The following MACROD2 variants were observed in gnomAD, a reference collection of about 807,000 sequenced individuals.
MACROD2 encodes ADP-ribose glycohydrolase MACROD2.
Under a neutral mutation model 70.4 loss-of-function variants are expected in MACROD2, and 36 were observed. The ratio of observed to expected loss-of-function variants is 0.51; its 90% CI spans 0.39 to 0.68. MACROD2 has a LOEUF of 0.68. Among genes scored for constraint, MACROD2 ranks in the 30% least tolerant of loss-of-function variants. The pLI, the probability that MACROD2 is intolerant of heterozygous loss-of-function variation, is 0.00. For missense variants in MACROD2, 496 were observed against 538.4 expected (o/e 0.92, Z 0.78); for synonymous variants, 172 against 178.8 (o/e 0.96, Z 0.30).
At chr20:16,023,812 G>A (rs35636462) in intron 15 of MACROD2, among the ~76,000 whole-genome samples, 11,381 of 152,180 alleles carry the variant, frequency 0.075, 447 homozygotes, top group East Asian at 0.14. Flanking sequence ...GGGGTGGGGC[G>A]AGTAGATCTC....
intron 5 of MACROD2, among the ~76,000 whole-genome samples, chr20:15,224,285 A>C (rs2076886306): frequency 6.6e-6 from 1 of 152,248 alleles, no homozygotes; most frequent in South Asian, 2.1e-4. Context: ...ATCTAACCAC[A>C]AAGCTAACCA....
At chr20:15,401,021 G>A (rs73107066) in intron 6 of MACROD2, among the ~76,000 whole-genome samples, 8,728 of 151,548 alleles carry the variant, frequency 0.058, 262 homozygotes, top group Middle Eastern at 0.078. Flanking sequence ...CTCAGGTAAC[G>A]GATCTGAAGG....
Position 14,327,280 on chromosome 20 carries a change from G to T in MACROD2, c.272-166199G>T, listed in dbSNP as rs1568559258. On this transcript the variant is annotated intron_variant, in intron 3 of 17. Coordinates refer to ENST00000684519, the MANE Select transcript of MACROD2 (RefSeq NM_001351661.2). ...TTTCAGCAAGTTTTTCAAATCTGAA[G>T]GAATCCCAGCATTATTTATTTGGTT... 3.1e-6 allele frequency: 5 copies of T among 1,613,796 alleles called. No individual in the cohort carries two copies. The East Asian group carries it at 1.1e-4, about 36-fold the overall frequency.
intron 7 of MACROD2, among the ~76,000 whole-genome samples, chr20:15,460,506 T>A (rs772306490): frequency 6.6e-6 from 1 of 152,116 alleles, no homozygotes; most frequent in Non-Finnish European, 1.5e-5. Flanking sequence ...CAGTGCTCCT[T>A]CCTCAGTGGT....
intron 3 of MACROD2, among the ~76,000 whole-genome samples, chr20:14,092,758 C>T (rs992783782): frequency 6.6e-6 from 1 of 152,106 alleles, no homozygotes; most frequent in Non-Finnish European, 1.5e-5. Flanking sequence ...AAATACGTAG[C>T]ACAGTTCTCG....
At chr20:15,248,206 G>A (rs2077123590) in intron 6 of MACROD2, among the ~76,000 whole-genome samples, 1 of 152,160 alleles carries the variant, frequency 6.6e-6, no homozygotes, top group Admixed American at 6.5e-5. Flanking sequence ...ACCAGGGCAT[G>A]TCTTTTCCAA....
rs138288961 is a variant in MACROD2 at position 14,809,214 on chromosome 20, C to A, written c.418+124255C>A. ...ACACTCCTCAGCAAAGGCAAAAGAA[C>A]AGAAATTATAACAAACAGTTTCTCA... is the stretch of plus-strand genomic sequence containing the variant. On this transcript the variant is annotated intron_variant, in intron 5 of 17. Transcript: ENST00000684519. 2.4e-3 allele frequency among the ~76,000 whole-genome samples: 369 copies of A among 152,122 alleles called. 3 individuals carry two copies. Among genetic ancestry groups the A allele is most frequent in the African/African-American group, 8.6e-3 (358 of 41,526 alleles).
chr20:14,464,602 C>T (rs1245572964), intron 3 of MACROD2, among the ~76,000 whole-genome samples: 10 of 151,866 alleles, frequency 6.6e-5, no homozygotes, highest in Non-Finnish European at 1.3e-4. Context: ...GCTCTTGCTT[C>T]TCTAGTTCTT....
intron 8 of MACROD2, among the ~76,000 whole-genome samples, chr20:15,616,171 T>G (rs942585411): frequency 6.8e-6 from 1 of 146,562 alleles, no homozygotes; most frequent in African/African-American, 2.5e-5. Context: ...TGGTGTGATC[T>G]CGGCCCACTG....
chr20:15,836,175 C>T (rs944743695), intron 8 of MACROD2, among the ~76,000 whole-genome samples: 2 of 152,102 alleles, frequency 1.3e-5, no homozygotes, highest in East Asian at 1.9e-4. Flanking sequence ...ATAATAGTGA[C>T]GTTTTACCTT....
At chr20:15,908,388 A>T (rs868358691) in intron 10 of MACROD2, among the ~76,000 whole-genome samples, 4 of 152,184 alleles carry the variant, frequency 2.6e-5, no homozygotes, top group African/African-American at 9.6e-5. Context: ...TCTCAGGCCT[A>T]TGGGTGGTAA....
intron 5 of MACROD2, among the ~76,000 whole-genome samples, chr20:15,065,132 T>C (rs1422009863): frequency 6.6e-6 from 1 of 152,192 alleles, no homozygotes; most frequent in African/African-American, 2.4e-5. Context: ...AACCATGCAA[T>C]TCCTATTGTC....
chr20:14,162,981 G>A (rs1477084542), intron 3 of MACROD2, among the ~76,000 whole-genome samples: 5 of 151,950 alleles, frequency 3.3e-5, no homozygotes, highest in African/African-American at 1.2e-4. Flanking sequence ...TATCTTTGTG[G>A]TTTGGTGGTT....
rs541880619 is a variant in MACROD2, at chr20:15,081,748, T to C, written c.419-148192T>C. 2.0e-5 allele frequency among the ~76,000 whole-genome samples: 3 copies of C among 152,250 alleles called. No individual in the cohort carries two copies. In the South Asian group the frequency reaches 6.2e-4, roughly 32 times the overall value. The stretch of plus-strand genomic sequence containing the variant: ...TTCTACATGGACCTTCCTGCTATTT[T>C]TTAAAAAATGGCACATTCCAAAACT... On this transcript the variant is annotated intron_variant, in intron 5 of 17. Transcript: ENST00000684519.
chr20:14,147,928 A>T (rs897523195), intron 3 of MACROD2, among the ~76,000 whole-genome samples: 1 of 152,110 alleles, frequency 6.6e-6, no homozygotes, highest in African/African-American at 2.4e-5. Flanking sequence ...AAGTGACTTT[A>T]TGTATAGTGA....
chr20:15,276,386 A>C (rs414062), intron 6 of MACROD2, among the ~76,000 whole-genome samples: 133,902 of 145,990 alleles, frequency 0.92, 62,120 homozygotes, highest in African/African-American at 0.97. Flanking sequence ...GGCGACAGAG[A>C]GAGACTCCCT....
At chr20:15,628,813 G>C (rs1445942445) in intron 8 of MACROD2, among the ~76,000 whole-genome samples, 1 of 152,200 alleles carries the variant, frequency 6.6e-6, no homozygotes, top group Non-Finnish European at 1.5e-5. Context: ...CAGCAACTGG[G>C]TCTCAGGCAG....
chr20:14,074,162 GC>G, intron 2 of MACROD2, among the ~76,000 whole-genome samples: 1 of 152,146 alleles, frequency 6.6e-6, no homozygotes, highest in South Asian at 2.1e-4. Context: ...ACCCCATCCT[GC>G]CCCTTGGCTA....
intron 6 of MACROD2, among the ~76,000 whole-genome samples, chr20:15,401,219 T>G (rs1404776969): frequency 6.6e-6 from 1 of 152,094 alleles, no homozygotes; most frequent in African/African-American, 2.4e-5. Context: ...TTTGTATTTT[T>G]AGTGGAGACG....
Sources: allele counts gnomAD v4.1 joint callset (sites outside exome capture counted in the v4.1 genomes callset), GRCh38; gene constraint gnomAD v4.1.1; transcripts MANE v1.5; gene names NCBI Gene and HGNC (gene_info 2026-07-23, HGNC 2026-07-21).